Variants in BPTF observed in about 807,000 individuals in gnomAD.
BPTF encodes bromodomain PHD finger transcription factor.
Under a neutral mutation model 292.5 loss-of-function variants are expected in BPTF, and 18 were observed. The observed-to-expected ratio is 0.06, with a 90% CI of 0.04 to 0.09. The LOEUF is 0.09. BPTF is among the 10% of genes least tolerant of loss of function. The pLI is 1.00. For missense variants in BPTF, 2,726 were observed against 3,498.7 expected, an observed-to-expected ratio of 0.78 and a Z score of 5.57; for synonymous variants, 1,225 against 1,251.9, an observed-to-expected ratio of 0.98 and a Z score of 0.45.
At chr17:67,901,916 A>G (rs1598527123) in intron 7 of BPTF, among the ~76,000 whole-genome samples, 1 of 152,250 alleles carries the variant, frequency 6.6e-6, no homozygotes, top group Admixed American at 6.5e-5. Context: ...CAAGAAAGAC[A>G]TAAAATATTG....
At chr17:67,851,617 C>T (rs191410438) in intron 1 of BPTF, among the ~76,000 whole-genome samples, 1 of 152,256 alleles carries the variant, frequency 6.6e-6, no homozygotes, top group African/African-American at 2.4e-5. Context: ...CTTTTGTTTT[C>T]AGGGGTATGT....
At chr17:67,916,826 C>T (rs868390951) in intron 11 of BPTF, among the ~76,000 whole-genome samples, 3 of 149,440 alleles carry the variant, frequency 2.0e-5, no homozygotes, top group South Asian at 4.3e-4. Flanking sequence ...TTGAGATTTA[C>T]CTTCCACCTC....
intron 23 of BPTF, among the ~76,000 whole-genome samples, chr17:67,958,194 G>A (rs1300302236): frequency 6.6e-6 from 1 of 151,922 alleles, no homozygotes; most frequent in Non-Finnish European, 1.5e-5. Flanking sequence ...TGAGTTTGGT[G>A]GCACGTGCCT....
At chr17:67,875,930 T>G (rs1204548680) in intron 4 of BPTF, among the ~76,000 whole-genome samples, 1 of 152,252 alleles carries the variant, frequency 6.6e-6, no homozygotes, top group Non-Finnish European at 1.5e-5. Context: ...CAGTTAGTGC[T>G]TGAAACTCAT....
chr17:67,873,992 CTGGATGGA>C (rs34261763), intron 3 of BPTF, among the ~76,000 whole-genome samples: 3 of 150,334 alleles, frequency 2.0e-5, no homozygotes, highest in East Asian at 2.0e-4. Flanking sequence ...TAAGAAAATG[CTGGATGGA>C]TGGATGGATG....
At chr17:67,855,549 A>C (rs1598268580) in intron 2 of BPTF, among the ~76,000 whole-genome samples, 1 of 152,316 alleles carries the variant, frequency 6.6e-6, no homozygotes, top group Non-Finnish European at 1.5e-5. Context: ...ATCCCAACAG[A>C]CTGAGGGTCA....
intron 26 of BPTF, chr17:67,975,229 T>G (rs1385981337): frequency 2.0e-5 from 3 of 152,350 alleles, no homozygotes; most frequent in African/African-American, 7.2e-5. Context: ...TCGTATCAGC[T>G]GATATTTTTC....
At chr17:67,847,674 CAAAAA>C (rs543574039) in intron 1 of BPTF, among the ~76,000 whole-genome samples, 9 of 52,970 alleles carry the variant, frequency 1.7e-4, no homozygotes, top group African/African-American at 6.4e-4. Context: ...GACTCCGTCT[CAAAAA>C]AAAAAAAAAA....
intron 26 of BPTF, among the ~76,000 whole-genome samples, chr17:67,970,373 A>T (rs2068632771): frequency 6.6e-6 from 1 of 152,192 alleles, no homozygotes; most frequent in Non-Finnish European, 1.5e-5. Flanking sequence ...ACTCGAGCCT[A>T]GGCAACAAGC....
rs1258870102 is a variant in BPTF, at chr17:67,940,367, G to A, written c.6260-72G>A. Reference sequence around the variant, plus strand: ...ATGGAAAAGAATACGTTCATGTGAGGTGTTGAATTATTTCAATTCAAAATA... The same window carrying A: ...ATGGAAAAGAATACGTTCATGTGAGATGTTGAATTATTTCAATTCAAAATA... On this transcript the variant is annotated intron_variant, in intron 18 of 27. Transcript: ENST00000306378. 6.2e-6 allele frequency: 8 copies of A among 1,284,218 alleles called. No individual in the cohort carries two copies. The African/African-American group carries it at 8.8e-5, about 14-fold the overall frequency. The allele number at this position is 1,284,218 out of a possible 1,614,324, so 79.6% of individuals were successfully genotyped here.
In BPTF at chr17:67,969,926, CAAAT is replaced by C. The variant is rs797023000; in HGVS notation, c.8539+3282_8539+3285del. Among the ~76,000 whole-genome samples, 402 of 152,038 alleles carry C rather than the reference CAAAT, an allele frequency of 2.6e-3. 2 individuals carry two copies. Among genetic ancestry groups the C allele is most frequent in the African/African-American group, 9.2e-3 (383 of 41,468 alleles). ...GTGGAACAAGAGTGAAACTCCGTGT[CAAAT>C]AAATAAATAAAAACAAAAAATGGCT... On this transcript the variant is annotated intron_variant, in intron 26 of 27. Coordinates refer to ENST00000306378, the MANE Select transcript of BPTF (RefSeq NM_182641.4).
chr17:67,826,588 C>CG (rs1023571179), intron 1 of BPTF, among the ~76,000 whole-genome samples: 15 of 147,976 alleles, frequency 1.0e-4, no homozygotes, highest in East Asian at 2.0e-4. Context: ...TCTCCCCCCC[C>CG]CAACCCCCTT....
At chr17:67,936,188 G>T (rs2064900221) in intron 18 of BPTF, among the ~76,000 whole-genome samples, 1 of 152,166 alleles carries the variant, frequency 6.6e-6, no homozygotes, top group Non-Finnish European at 1.5e-5. Flanking sequence ...ATTCTAATAT[G>T]AAATATAGCA....
intron 1 of BPTF, among the ~76,000 whole-genome samples, chr17:67,841,467 T>C (rs1306067381): frequency 6.6e-6 from 1 of 152,188 alleles, no homozygotes; most frequent in African/African-American, 2.4e-5. Flanking sequence ...ATTAGTATTT[T>C]ATATTAGCAG....
At chr17:67,834,460 G>C (rs573206131) in intron 1 of BPTF, among the ~76,000 whole-genome samples, 7 of 152,058 alleles carry the variant, frequency 4.6e-5, no homozygotes, top group Non-Finnish European at 8.8e-5. Flanking sequence ...ACTAAGATCT[G>C]TCTGACTTTC....
chr17:67,844,543 G>A (rs992172356), intron 1 of BPTF, among the ~76,000 whole-genome samples: 23 of 151,020 alleles, frequency 1.5e-4, no homozygotes, highest in African/African-American at 3.9e-4. Flanking sequence ...CACCACGCCC[G>A]GCTAATTTTT....
chr17:67,934,836 C>T (rs2064770832), intron 18 of BPTF, among the ~76,000 whole-genome samples: 1 of 133,128 alleles, frequency 7.5e-6, no homozygotes, highest in Non-Finnish European at 1.5e-5. Flanking sequence ...GGTGCCATCG[C>T]ACTCCAGCCT....
At position 67,899,480 on chromosome 17, in the gene BPTF, G is replaced by C. The variant is rs190907558; in HGVS notation, c.2544-4309G>C. On this transcript the variant is annotated intron_variant, in intron 7 of 27. Transcript: ENST00000306378. ...ATTTTCCTGGGAACCTTCTTTGATA[G>C]TAACAATACTGCTCTATGCAGGTAG... Among the ~76,000 whole-genome samples the C allele has an allele frequency of 4.6e-5, 7 of 151,432 alleles. No individual in the cohort carries two copies. The East Asian group carries it at 1.2e-3, about 25-fold the overall frequency.
chr17:67,890,534 T>C (rs940697084), intron 4 of BPTF, among the ~76,000 whole-genome samples: 2 of 152,204 alleles, frequency 1.3e-5, no homozygotes, highest in Non-Finnish European at 2.9e-5. Context: ...GAGCCAGTCC[T>C]GGGACAGTCA....
Sources: allele counts gnomAD v4.1 joint callset (sites outside exome capture counted in the v4.1 genomes callset), GRCh38; gene constraint gnomAD v4.1.1; transcripts MANE v1.5; gene names NCBI Gene and HGNC (gene_info 2026-07-23, HGNC 2026-07-21).